WAC: variants seen among roughly 807,000 people sequenced by gnomAD.
WAC encodes WW domain-containing adapter protein with coiled-coil.
A neutral mutation model predicts 79.6 loss-of-function variants in WAC; 11 were observed. The ratio of observed to expected loss-of-function variants is 0.14; its 90% CI spans 0.09 to 0.23. The LOEUF (loss-of-function observed/expected upper bound fraction) is 0.23. Among genes scored for constraint, WAC ranks in the 10% least tolerant of loss-of-function variants. The pLI is 1.00. For synonymous variants in WAC, 304 were observed against 276.9 expected, an observed-to-expected ratio of 1.10 and a Z score of -0.97; for missense variants, 728 against 773.5, an observed-to-expected ratio of 0.94 and a Z score of 0.70.
Position 28,621,359 on chromosome 10 carries a change from C to G in WAC, c.*1753C>G, listed in dbSNP as rs1467431739. 6.6e-6 allele frequency: 1 copy of G among 151,578 alleles called. No individual in the cohort carries two copies. Among genetic ancestry groups the G allele is most frequent in the African/African-American group, 2.4e-5 (1 of 41,214 alleles). 9.4% of individuals were successfully genotyped at this position (151,578 alleles called of 1,614,324 possible). A position where few individuals can be genotyped will look rare whatever the true frequency, so the allele number is the denominator to read the frequency against. On this transcript the variant is annotated 3_prime_UTR_variant, in exon 14 of 14. Transcript: ENST00000354911. Reference sequence around the variant, plus strand: ...CATAAATTTTGAAATTGCTCTTGTGCTTTAAGCATATATTGAAAGTATGGA... The same window carrying G: ...CATAAATTTTGAAATTGCTCTTGTGGTTTAAGCATATATTGAAAGTATGGA...
At chr10:28,612,236 T>C (rs1210756857) in intron 10 of WAC, among the ~76,000 whole-genome samples, 2 of 152,226 alleles carry the variant, frequency 1.3e-5, no homozygotes, top group Non-Finnish European at 2.9e-5. Flanking sequence ...CCAAAAGACA[T>C]GAATGAACAT....
intron 7 of WAC, among the ~76,000 whole-genome samples, chr10:28,599,148 A>G (rs1410966795): frequency 6.6e-6 from 1 of 152,174 alleles, no homozygotes; most frequent in African/African-American, 2.4e-5. Context: ...GACTCTTCTC[A>G]TCAGTAGATG....
At chr10:28,555,911 T>C (rs1452690660) in intron 3 of WAC, among the ~76,000 whole-genome samples, 2 of 152,144 alleles carry the variant, frequency 1.3e-5, no homozygotes, top group Non-Finnish European at 2.9e-5. Context: ...CTATTCTTTA[T>C]AAATTACACA....
rs1012252299 is a variant in WAC at position 28,621,367 on chromosome 10, A to G, written c.*1761A>G. Reference sequence around the variant, plus strand: ...TTGAAATTGCTCTTGTGCTTTAAGCATATATTGAAAGTATGGAAGTTAAAT... The same window carrying G: ...TTGAAATTGCTCTTGTGCTTTAAGCGTATATTGAAAGTATGGAAGTTAAAT... On this transcript the variant is annotated 3_prime_UTR_variant, in exon 14 of 14. Transcript: ENST00000354911. The G allele has an allele frequency of 7.2e-5, 11 of 152,090 alleles. No homozygotes were observed. Among genetic ancestry groups the G allele is most frequent in the Non-Finnish European group, 4.4e-5 (3 of 68,022 alleles). The allele number at this position is 152,090 out of a possible 1,614,324, so 9.4% of individuals were successfully genotyped here. A position where few individuals can be genotyped will look rare whatever the true frequency, so the allele number is the denominator to read the frequency against.
intron 4 of WAC, among the ~76,000 whole-genome samples, chr10:28,586,866 TTTGA>T (rs1839845120): frequency 6.6e-6 from 1 of 152,244 alleles, no homozygotes. Flanking sequence ...CTATGCCAAT[TTTGA>T]TTTGCTGGGA....
chr10:28,538,581 C>CAAAAA (rs34777121), intron 3 of WAC, among the ~76,000 whole-genome samples: 1 of 98,284 alleles, frequency 1.0e-5, no homozygotes, highest in African/African-American at 4.2e-5. Flanking sequence ...GACCCTGTCT[C>CAAAAA]AAAAAAAAAA....
chr10:28,603,846 A>G (rs553148073), intron 7 of WAC, among the ~76,000 whole-genome samples: 22 of 150,172 alleles, frequency 1.5e-4, no homozygotes, highest in African/African-American at 4.9e-4. Flanking sequence ...AGGCAGGAGA[A>G]TGGCGTGAAC....
chr10:28,551,820 T>TG (rs1564380042), intron 3 of WAC, among the ~76,000 whole-genome samples: 2 of 53,752 alleles, frequency 3.7e-5, no homozygotes, highest in African/African-American at 9.0e-5. Flanking sequence ...GTGTGTGTGT[T>TG]TCTTTTTTTT....
chr10:28,582,214 G>T (rs547237887), intron 3 of WAC, among the ~76,000 whole-genome samples: 11 of 152,184 alleles, frequency 7.2e-5, no homozygotes, highest in Admixed American at 3.9e-4. Context: ...AACTTTTTTA[G>T]TGCCTGCTGC....
intron 9 of WAC, 104 bp downstream of exon 9, chr10:28,610,925 G>A (rs1589241179): frequency 9.8e-7 from 1 of 1,016,964 alleles, no homozygotes; most frequent in African/African-American, 1.8e-5. Context: ...TTTTTTTTTA[G>A]TTTTTTAAGA....
intron 7 of WAC, among the ~76,000 whole-genome samples, chr10:28,603,810 T>A (rs1276478542): frequency 6.6e-6 from 1 of 150,738 alleles, no homozygotes; most frequent in African/African-American, 2.4e-5. Context: ...GGCAGGCGCC[T>A]GTAGTCCCAG....
chr10:28,565,097 T>C (rs1278879479), intron 3 of WAC, among the ~76,000 whole-genome samples: 1 of 40,434 alleles, frequency 2.5e-5, no homozygotes, highest in African/African-American at 1.8e-4. Flanking sequence ...ATTACCCTTT[T>C]GAAATGTGCT....
rs144682240 is a variant in WAC, at chr10:28,616,216, A to G, written c.1600A>G (p.Ser534Gly). 3.6e-5 allele frequency: 58 copies of G among 1,612,530 alleles called. No individual in the cohort carries two copies. In the African/African-American group the frequency reaches 6.8e-4, roughly 19 times the overall value. Residue 534 changes from serine to glycine, a missense_variant, in exon 12 of 14, where the codon AGT becomes GGT. Physicochemically the swap from Ser to Gly is moderately conservative, Grantham distance 56. Around this residue, in one of 3 missense-constraint regions of WAC, gnomAD observed 648 missense variants for 661.5 expected, o/e 0.98. Transcript: ENST00000354911. Reference protein sequence around the residue: ...PSPGPNHTSNSSNASNATVVP... With the variant: ...PSPGPNHTSNGSNASNATVVP... ...ACCTGGTCCCAATCATACTTCTAAT[A>G]GTAGTAATGCATCAAATGCAACAGT...
intron 3 of WAC, among the ~76,000 whole-genome samples, chr10:28,547,171 C>T (rs910884961): frequency 2.0e-5 from 3 of 152,102 alleles, no homozygotes; most frequent in African/African-American, 7.2e-5. Flanking sequence ...TATTTTATAG[C>T]ATAGTTCATT....
intron 5 of WAC, 66 bp from the exon 6 acceptor site, chr10:28,590,654 T>A: frequency 7.5e-7 from 1 of 1,330,916 alleles, no homozygotes; most frequent in Non-Finnish European, 1.0e-6. Flanking sequence ...TGGCCAGAGC[T>A]GTTTAGTATG....
intron 3 of WAC, 179 bp downstream of exon 3, chr10:28,535,936 G>C: frequency 1.7e-6 from 1 of 572,754 alleles, no homozygotes; most frequent in Non-Finnish European, 2.8e-6. Context: ...ATGCTGATGT[G>C]AGCATCTAAA....
chr10:28,549,605 C>A (rs1241014471), intron 3 of WAC, among the ~76,000 whole-genome samples: 4 of 152,132 alleles, frequency 2.6e-5, no homozygotes, highest in Admixed American at 2.6e-4. Flanking sequence ...TCTTTACCCG[C>A]AGCTGAGTAA....
intron 3 of WAC, among the ~76,000 whole-genome samples, chr10:28,568,382 T>G (rs543132993): frequency 7.9e-5 from 12 of 152,248 alleles, no homozygotes; most frequent in African/African-American, 2.2e-4. Flanking sequence ...AAGTTCTTTT[T>G]TTGTTGTTGT....
rs3029447 is a variant in WAC, at chr10:28,552,845, CTTTTTT to C, written c.274+17106_274+17111del. 1.7e-4 allele frequency among the ~76,000 whole-genome samples: 14 copies of C among 84,338 alleles called. No individual in the cohort carries two copies. The Admixed American group carries it at 1.8e-3, about 11-fold the overall frequency. 55.3% of individuals were successfully genotyped at this position (84,338 alleles called of 152,430 possible). ...GACAGTGAGCAAATCCACTTGGCTG[CTTTTTT>C]TTTTTTTTTTTTTTTTTGTCTTCTT... is the stretch of plus-strand genomic sequence containing the variant. On this transcript the variant is annotated intron_variant, in intron 3 of 13. Coordinates refer to ENST00000354911, the MANE Select transcript of WAC (RefSeq NM_016628.5).
Sources: gnomAD v4.1 joint callset for allele counts (sites outside exome capture counted in the v4.1 genomes callset) on GRCh38, gnomAD v4.1.1 for gene constraint, gnomAD v4.1.1 regional missense constraint, MANE v1.5 for transcripts, NCBI Gene and HGNC (gene_info 2026-07-23, HGNC 2026-07-21) for gene names.